MYH14: variants seen among roughly 807,000 people sequenced by gnomAD.
MYH14 encodes the protein myosin-14.
A neutral mutation model predicts 255.5 loss-of-function variants in MYH14; 123 were observed. The observed-to-expected ratio is 0.48, with a 90% CI of 0.42 to 0.56. The LOEUF is 0.56. Ranked by LOEUF, MYH14 falls within the 20% of genes least tolerant of loss-of-function variation. The probability of loss-of-function intolerance (pLI) is 0.00; values close to 1 mark genes in which losing one functional copy is unlikely to be tolerated. For missense variants in MYH14, 2,423 were observed against 2,802.3 expected, an observed-to-expected ratio of 0.86 and a Z score of 3.06; for synonymous variants, 1,095 against 1,161.2, an observed-to-expected ratio of 0.94 and a Z score of 1.16.
chr19:50,252,348 G>A lies in MYH14; in HGVS notation c.1831-291G>A, dbSNP rs560629002. On this transcript the variant is annotated intron_variant, in intron 15 of 42. Coordinates refer to ENST00000642316, the MANE Select transcript of MYH14 (RefSeq NM_001145809.2). This position sits in a 1 kb window ranked among gnomAD's most constrained non-coding sequence, Gnocchi z 4.2. ...AAAACCCCGAGGTGGGAGTAAGCTC[G>A]CATGTTTGAGGAACAGTGCGGAGGC... 1.3e-5 allele frequency among the ~76,000 whole-genome samples: 2 copies of A among 152,298 alleles called. No individual in the cohort carries two copies. The highest frequency in any genetic ancestry group is 2.4e-5 in the African/African-American group (1 of 41,564).
At chr19:50,251,569 C>CATATATATATATAT (rs1319522599) in intron 15 of MYH14, among the ~76,000 whole-genome samples, 12 of 121,150 alleles carry the variant, frequency 9.9e-5, no homozygotes, top group African/African-American at 3.9e-4. Flanking sequence ...CACACACACA[C>CATATATATATATAT]ATATATATAT....
chr19:50,301,752 A>G lies in MYH14; in HGVS notation c.5561A>G (p.Glu1854Gly). Reference protein sequence around the residue: ...GRQQLERQIQELRGRLGEEDA... With the variant: ...GRQQLERQIQGLRGRLGEEDA... Reference sequence around the variant, plus strand: ...CAGCAGCTGGAACGGCAGATCCAGGAGCTACGGGGACGCCTGGGTGAGGAG... The same window carrying G: ...CAGCAGCTGGAACGGCAGATCCAGGGGCTACGGGGACGCCTGGGTGAGGAG... Residue 1854 changes from glutamate (E) to glycine (G), a missense_variant, in exon 40 of 43, where the codon GAG becomes GGG. Glu to Gly is a moderately conservative substitution (Grantham distance 98, BLOSUM62 -2). Coordinates refer to ENST00000642316, the MANE Select transcript of MYH14 (RefSeq NM_001145809.2). 6.2e-7 allele frequency: 1 copy of G among 1,613,908 alleles called. No homozygotes were observed. Among genetic ancestry groups the G allele is most frequent in the Non-Finnish European group, 8.5e-7 (1 of 1,179,852 alleles).
chr19:50,252,539 C>T lies in MYH14; in HGVS notation c.1831-100C>T. On this transcript the variant is annotated intron_variant, in intron 15 of 42. Coordinates refer to ENST00000642316, the MANE Select transcript of MYH14 (RefSeq NM_001145809.2). This position sits in a 1 kb window ranked among gnomAD's most constrained non-coding sequence, Gnocchi z 4.2. Reference sequence around the variant, plus strand: ...AGTGCTCGCTTGTCCATGGTGAGCTCCAGACCTGGGAGTCTCAGAGCTTCT... The same window carrying T: ...AGTGCTCGCTTGTCCATGGTGAGCTTCAGACCTGGGAGTCTCAGAGCTTCT... The T allele has an allele frequency of 1.2e-6, 1 of 815,442 alleles. No individual in the cohort carries two copies. 50.5% of individuals were successfully genotyped at this position (815,442 alleles called of 1,614,324 possible).
At position 50,293,098 on chromosome 19, in the gene MYH14, C is replaced by T; in HGVS notation, c.5257-135C>T. 1 of 697,966 alleles carries T rather than the reference C, an allele frequency of 1.4e-6. No homozygotes were observed. The highest frequency in any genetic ancestry group is 2.6e-6 in the Non-Finnish European group (1 of 385,196). The allele number at this position is 697,966 out of a possible 1,614,324, so 43.2% of individuals were successfully genotyped here. A position where few individuals can be genotyped will look rare whatever the true frequency, so the allele number is the denominator to read the frequency against. On this transcript the variant is annotated intron_variant, in intron 37 of 42. Coordinates refer to ENST00000642316, the MANE Select transcript of MYH14 (RefSeq NM_001145809.2). The surrounding 1 kb of genome is among the most constrained non-coding windows in gnomAD (Gnocchi z 4.1). ...TTTAGGAGACATCTGTAGGTTGCAG[C>T]TCATTCCAGGGTTACCCAGGGACAG...
Position 50,280,322 on chromosome 19 carries a change from TGGA to T in MYH14, c.4238_4240del (p.Glu1413del). 1 of 1,550,176 alleles carries T rather than the reference TGGA, an allele frequency of 6.5e-7. No individual in the cohort carries two copies. Among genetic ancestry groups the T allele is most frequent in the Non-Finnish European group, 8.7e-7 (1 of 1,146,652 alleles). On this transcript the variant is annotated inframe_deletion, in exon 32 of 43. Coordinates refer to ENST00000642316, the MANE Select transcript of MYH14 (RefSeq NM_001145809.2). This position sits in a 1 kb window ranked among gnomAD's most constrained non-coding sequence, Gnocchi z 4.8. ...GAGGCAGCCGGGCTGCGTGAGCAGCTGGAGGAGGAGGCAGCTGCCAGGGAACGG... is the reference window on the plus strand; with the variant it reads ...GAGGCAGCCGGGCTGCGTGAGCAGCTGGAGGAGGCAGCTGCCAGGGAACGG...
At chr19:50,241,856 C>T (rs961693609) in intron 10 of MYH14, among the ~76,000 whole-genome samples, 2 of 152,172 alleles carry the variant, frequency 1.3e-5, no homozygotes, top group Non-Finnish European at 2.9e-5. Context: ...GTTGCCCAAG[C>T]TGATCTCAAA....
chr19:50,243,436 CA>C (rs887725331), intron 10 of MYH14, among the ~76,000 whole-genome samples: 25 of 137,862 alleles, frequency 1.8e-4, no homozygotes, highest in Admixed American at 1.5e-4. Context: ...GACTCCGTCT[CA>C]AAAAAAAAAA....
intron 10 of MYH14, among the ~76,000 whole-genome samples, chr19:50,241,952 G>C (rs1007797953): frequency 6.6e-6 from 1 of 152,154 alleles, no homozygotes; most frequent in Admixed American, 6.6e-5. Context: ...CCACCACACC[G>C]CACCAAGCCT....
At chr19:50,239,145 G>A (rs1299603913) in intron 10 of MYH14, among the ~76,000 whole-genome samples, 2 of 152,148 alleles carry the variant, frequency 1.3e-5, no homozygotes, top group African/African-American at 2.4e-5. Flanking sequence ...TCAGCCTCCT[G>A]AGTAGCTGGA....
At position 50,281,474 on chromosome 19, in the gene MYH14, G is replaced by A. The variant is rs573898290; in HGVS notation, c.4291-120G>A. ...CACTCAGAGGCAGAAGAGCCCAGCA[G>A]AATGACCCCTTTCCCTCTTCAGGCC... is the stretch of plus-strand genomic sequence containing the variant. On this transcript the variant is annotated intron_variant, in intron 32 of 42. Coordinates refer to ENST00000642316, the MANE Select transcript of MYH14 (RefSeq NM_001145809.2). 4.2e-6 allele frequency: 6 copies of A among 1,421,244 alleles called. No individual in the cohort carries two copies. The Admixed American group carries it at 7.4e-5, about 18-fold the overall frequency. The allele number at this position is 1,421,244 out of a possible 1,614,324, so 88.0% of individuals were successfully genotyped here.
chr19:50,292,340 G>A lies in MYH14; in HGVS notation c.5207G>A (p.Ser1736Asn), dbSNP rs776401666. The A allele has an allele frequency of 2.3e-5, 36 of 1,594,656 alleles. No individual in the cohort carries two copies. In the Admixed American group the frequency reaches 6.0e-4, roughly 26 times the overall value. Residue 1736 changes from serine (S) to asparagine (N), a missense_variant, in exon 37 of 43, where the codon AGT becomes AAT. Physicochemically the swap from Ser to Asn is conservative, Grantham distance 46. This residue lies in a region of MYH14 where 1,513 missense variants were observed against 1,674.8 expected (regional missense o/e 0.90). Transcript: ENST00000642316. ...REEIFSQNRE[S>N]EKRLKGLEAE... ...GAGATCTTCTCCCAGAATCGGGAAA[G>A]TGAAAAGCGCCTCAAGGGCCTGGAG...
At chr19:50,286,962 A>G (rs1477477120) in intron 34 of MYH14, among the ~76,000 whole-genome samples, 1 of 152,164 alleles carries the variant, frequency 6.6e-6, no homozygotes, top group African/African-American at 2.4e-5. Context: ...TACTAAAAAT[A>G]CAAAAATTAG....
chr19:50,218,632 T>G (rs1600870019), intron 3 of MYH14, among the ~76,000 whole-genome samples: 1 of 151,944 alleles, frequency 6.6e-6, no homozygotes, highest in East Asian at 2.0e-4. Flanking sequence ...ATTTCAATAG[T>G]TTTTGGGAAA....
intron 29 of MYH14, among the ~76,000 whole-genome samples, chr19:50,277,773 C>T (rs969128022): frequency 6.6e-6 from 1 of 151,666 alleles, no homozygotes; most frequent in Non-Finnish European, 1.5e-5. Flanking sequence ...AAAAATTAGC[C>T]GGGCGTGGTG....
At chr19:50,275,337 G>T (rs773096957) in intron 27 of MYH14, among the ~76,000 whole-genome samples, 2 of 152,190 alleles carry the variant, frequency 1.3e-5, no homozygotes, top group Non-Finnish European at 2.9e-5. Flanking sequence ...GAGGGACTCC[G>T]GGCCAACCCA....
intron 2 of MYH14, among the ~76,000 whole-genome samples, chr19:50,216,797 CTTTCTTTT>C (rs1218253113): frequency 2.4e-5 from 3 of 122,918 alleles, no homozygotes; most frequent in Non-Finnish European, 3.4e-5. Context: ...CTCTTCCATC[CTTTCTTTT>C]TTTTTTTTTT....
At chr19:50,308,066 AAAAGT>A (rs1284897599) in intron 41 of MYH14, among the ~76,000 whole-genome samples, 1 of 152,238 alleles carries the variant, frequency 6.6e-6, no homozygotes, top group Non-Finnish European at 1.5e-5. Context: ...TATGAAGAAA[AAAAGT>A]GAAGAGAGAG....
At chr19:50,309,211 G>C (rs771613684) in intron 42 of MYH14, 34 bp downstream of exon 42, 5 of 1,601,574 alleles carry the variant, frequency 3.1e-6, no homozygotes. Context: ...CTGACGGGTG[G>C]GGAGCACCCT....
intron 10 of MYH14, among the ~76,000 whole-genome samples, chr19:50,234,467 C>A (rs1014279597): frequency 6.6e-6 from 1 of 152,110 alleles, no homozygotes; most frequent in Non-Finnish European, 1.5e-5. Flanking sequence ...GCTCCAGGGC[C>A]GGATTGGAAG....
Sources: allele counts gnomAD v4.1 joint callset (sites outside exome capture counted in the v4.1 genomes callset), GRCh38; gene constraint gnomAD v4.1.1; regional missense constraint gnomAD v4.1.1; non-coding constraint Gnocchi (gnomAD v3.1); transcripts MANE v1.5; gene names NCBI Gene and HGNC (gene_info 2026-07-23, HGNC 2026-07-21).